Variants in PGF observed in about 807,000 individuals in gnomAD.
PGF encodes placenta growth factor.
In PGF, 11 loss-of-function variants were observed where a neutral mutation model predicts 25.3. The observed-to-expected ratio is 0.43, with a 90% CI of 0.27 to 0.72. The LOEUF (loss-of-function observed/expected upper bound fraction) is 0.72, where lower values mean the gene tolerates loss of function less well. Ranked by LOEUF, PGF falls within the 30% of genes least tolerant of loss-of-function variation. PGF has a pLI of 0.18. For missense variants in PGF, 230 were observed against 234.9 expected, an observed-to-expected ratio of 0.98 and a Z score of 0.14; for synonymous variants, 105 against 97.9, an observed-to-expected ratio of 1.07 and a Z score of -0.43.
chr14:74,948,472 C>T, intron 4 of PGF, 35 bp downstream of exon 4: 2 of 1,391,426 alleles, frequency 1.4e-6, no homozygotes, highest in Non-Finnish European at 2.0e-6. Flanking sequence ...GGACGGGGGC[C>T]TTTCCTTGCT....
In PGF at chr14:74,944,243, T is replaced by C. The variant is rs571701914; in HGVS notation, c.486-1510A>G. ...TCAGCCTCCCGAGTAGCTGGGACTA[T>C]AGGCACCCACCACCACACCCGGCTA... is the stretch of plus-strand genomic sequence containing the variant. On this transcript the variant is annotated intron_variant, in intron 6 of 6. Coordinates refer to ENST00000555567, the MANE Select transcript of PGF (RefSeq NM_002632.6). Among the ~76,000 whole-genome samples, 858 of 151,870 alleles carry C rather than the reference T, an allele frequency of 5.6e-3. 3 individuals carry two copies. Among genetic ancestry groups the C allele is most frequent in the Non-Finnish European group, 6.6e-3 (449 of 67,948 alleles).
intron 6 of PGF, among the ~76,000 whole-genome samples, chr14:74,944,323 C>T (rs993433856): frequency 4.6e-5 from 7 of 151,812 alleles, no homozygotes; most frequent in Admixed American, 6.6e-5. Flanking sequence ...AGGATGGTCT[C>T]GATCTCCTAA....
intron 2 of PGF, among the ~76,000 whole-genome samples, chr14:74,949,890 G>A (rs1400413868): frequency 2.6e-5 from 4 of 152,134 alleles, no homozygotes; most frequent in African/African-American, 7.2e-5. Context: ...AGCCTGACCC[G>A]GTGCTTCCTC....
intron 6 of PGF, among the ~76,000 whole-genome samples, chr14:74,943,178 G>C (rs1229347127): frequency 6.6e-6 from 1 of 152,172 alleles, no homozygotes; most frequent in Non-Finnish European, 1.5e-5. Context: ...CGTGAGGCCT[G>C]AGTACTGACG....
intron 6 of PGF, among the ~76,000 whole-genome samples, chr14:74,944,307 T>A (rs933036247): frequency 7.9e-5 from 12 of 152,146 alleles, no homozygotes; most frequent in African/African-American, 1.4e-4. Flanking sequence ...TTTCACCATG[T>A]TAGCCAGGAT....
intron 4 of PGF, chr14:74,946,693 G>A: frequency 1.5e-6 from 1 of 679,742 alleles, no homozygotes; most frequent in Non-Finnish European, 2.7e-6. Context: ...CATCAAATTT[G>A]GTTGTTTCTG....
At chr14:74,943,164 C>T (rs990471078) in intron 6 of PGF, among the ~76,000 whole-genome samples, 3 of 152,152 alleles carry the variant, frequency 2.0e-5, no homozygotes, top group South Asian at 2.1e-4. Flanking sequence ...TACCGCTAGA[C>T]GCACGTGAGG....
chr14:74,952,660 G>A (rs186156317), intron 2 of PGF, among the ~76,000 whole-genome samples: 179 of 152,318 alleles, frequency 1.2e-3, no homozygotes, highest in Middle Eastern at 3.4e-3. Flanking sequence ...TGCAAAGCTC[G>A]TTGTACTTCT....
At position 74,953,586 on chromosome 14, in the gene PGF, C is replaced by T. The variant is rs1888920451; in HGVS notation, c.118+318G>A. On this transcript the variant is annotated intron_variant, in intron 2 of 6. Coordinates refer to ENST00000555567, the MANE Select transcript of PGF (RefSeq NM_002632.6). The surrounding 1 kb of genome is among the most constrained non-coding windows in gnomAD (Gnocchi z 5.4). ...ATTCTGGCCCCTGGCACTCACTCCC[C>T]ACCCTGTCCTCCAAGACCCCATCCA... Among the ~76,000 whole-genome samples, 1 of 152,124 alleles carries T rather than the reference C, an allele frequency of 6.6e-6. No homozygotes were observed. The highest frequency in any genetic ancestry group is 1.5e-5 in the Non-Finnish European group (1 of 68,012).
intron 2 of PGF, among the ~76,000 whole-genome samples, chr14:74,952,851 T>C (rs1270343280): frequency 2.0e-5 from 3 of 152,332 alleles, no homozygotes; most frequent in Admixed American, 6.5e-5. Flanking sequence ...ATAGACATCA[T>C]GTAGCCAAGG....
intron 1 of PGF, among the ~76,000 whole-genome samples, chr14:74,954,436 C>A (rs1365786945): frequency 6.6e-6 from 1 of 152,120 alleles, no homozygotes; most frequent in East Asian, 1.9e-4. Flanking sequence ...CTGGGCTGCT[C>A]GGACTCCTCA....
Position 74,949,364 on chromosome 14 carries a change from G to T in PGF, c.308C>A (p.Thr103Asn). 6.4e-7 allele frequency: 1 copy of T among 1,568,084 alleles called. No individual in the cohort carries two copies. The highest frequency in any genetic ancestry group is 8.7e-7 in the Non-Finnish European group (1 of 1,155,370). ...GGCAGGGTATGGACCTACCTGCATG[G>T]TGACATTGGCCGTCTCCACCGGCAC... Reference protein sequence around the residue: ...HCVPVETANVTMQLLKIRSGD... With the variant: ...HCVPVETANVNMQLLKIRSGD... Residue 103 changes from threonine to asparagine, a missense_variant, in exon 3 of 7, where the codon ACC becomes AAC. Physicochemically the swap from Thr to Asn is moderately conservative, Grantham distance 65. Transcript: ENST00000555567.
rs757156943 is a variant in PGF, at chr14:74,946,909, G to A, written c.393-501C>T. On this transcript the variant is annotated intron_variant, in intron 4 of 6. Coordinates refer to ENST00000555567, the MANE Select transcript of PGF (RefSeq NM_002632.6). ...GGAAGGAGGGAGCATCAGCCCTGAA[G>A]TCACCAGGCATGTCTGGGCTCTGCC... The A allele has an allele frequency of 1.6e-5, 12 of 751,896 alleles. No homozygotes were observed. The South Asian group carries it at 1.6e-4, about 10-fold the overall frequency. The allele number at this position is 751,896 out of a possible 1,614,324, so 46.6% of individuals were successfully genotyped here. A position where few individuals can be genotyped will look rare whatever the true frequency, so the allele number is the denominator to read the frequency against.
At chr14:74,954,870 T>G (rs558286793) in intron 1 of PGF, among the ~76,000 whole-genome samples, 10 of 152,126 alleles carry the variant, frequency 6.6e-5, no homozygotes, top group Non-Finnish European at 1.3e-4. Context: ...CGCCTGGGAT[T>G]AGTGGACAGA....
In PGF at chr14:74,949,431, G is replaced by A; in HGVS notation, c.241C>T (p.Leu81=). 1 of 1,612,180 alleles carries A rather than the reference G, an allele frequency of 6.2e-7. No individual in the cohort carries two copies. The highest frequency in any genetic ancestry group is 1.1e-5 in the South Asian group (1 of 90,898). ...HMFSPSCVSL[L]RCTGCCGDEN... is the part of the protein sequence containing the mutation. ...TCGCCGCAGCAGCCGGTGCAGCGCA[G>A]CAGGGAGACACAGGATGGGCTGAAC... The change falls in exon 3 of 7, where the codon CTG becomes TTG. Residue 81 remains leucine, a synonymous_variant. Transcript: ENST00000555567.
chr14:74,942,726 C>T lies in PGF; in HGVS notation c.493G>A (p.Asp165Asn), dbSNP rs748554696. The change falls in exon 7 of 7, where the codon GAT (aspartate) becomes AAT (asparagine). Residue 165 changes from aspartate (D) to asparagine (N), a missense_variant. By Grantham distance (23) the Asp-to-Asn change is conservative (BLOSUM62 1). Coordinates refer to ENST00000555567, the MANE Select transcript of PGF (RefSeq NM_002632.6). ...GTGGGTTACCTCCGGGGAACAGCAT[C>T]GCCGCACCTGCCAGAGACCAAGCAC... ...QRPTDCHLCG[D>N]AVPRR 1.5e-5 allele frequency: 24 copies of T among 1,610,724 alleles called. No individual in the cohort carries two copies. Among genetic ancestry groups the T allele is most frequent in the Middle Eastern group, 3.3e-4 (2 of 6,066 alleles).
rs1389209508 is a variant in PGF, at chr14:74,955,170, G to T, written c.73C>A (p.Gln25Lys). 6.8e-7 allele frequency: 1 copy of T among 1,464,462 alleles called. No homozygotes were observed. The highest frequency in any genetic ancestry group is 9.1e-7 in the Non-Finnish European group (1 of 1,096,900). The allele number at this position is 1,464,462 out of a possible 1,614,324, so 90.7% of individuals were successfully genotyped here. Residue 25 changes from glutamine (Q) to lysine (K), a missense_variant and splice_region_variant, in exon 1 of 7, where the codon CAG becomes AAG. Transcript: ENST00000555567. The surrounding 1 kb of genome is among the most constrained non-coding windows in gnomAD (Gnocchi z 4.1). Reference protein sequence around the residue: ...AGLALPAVPPQQWALSAGNGS... With the variant: ...AGLALPAVPPKQWALSAGNGS... ...GGCTAGGTGGGGGTAGCTCTTACCT[G>T]GGGGGGCACAGCAGGCAGCGCCAGC...
intron 6 of PGF, among the ~76,000 whole-genome samples, chr14:74,943,720 C>T (rs1391538880): frequency 6.6e-6 from 1 of 152,200 alleles, no homozygotes; most frequent in Non-Finnish European, 1.5e-5. Flanking sequence ...TAGCCACATC[C>T]ATCTCATTGA....
At chr14:74,954,006 C>T in intron 1 of PGF, 60 bp from the exon 2 acceptor site, 1 of 1,567,422 alleles carries the variant, frequency 6.4e-7, no homozygotes, top group South Asian at 1.1e-5. Flanking sequence ...CACTCTTGGG[C>T]CAAGTGTGAT....
Sources: allele counts gnomAD v4.1 joint callset (sites outside exome capture counted in the v4.1 genomes callset), GRCh38; gene constraint gnomAD v4.1.1; non-coding constraint Gnocchi (gnomAD v3.1); transcripts MANE v1.5; gene names NCBI Gene and HGNC (gene_info 2026-07-23, HGNC 2026-07-21).